The following LRRC7 variants were observed in gnomAD, a reference collection of about 807,000 sequenced individuals.
The protein encoded by LRRC7 is leucine-rich repeat-containing protein 7.
LRRC7 carries 23 observed loss-of-function variants against 175.7 expected under a neutral mutation model. The ratio of observed to expected loss-of-function variants is 0.13; its 90% confidence interval spans 0.09 to 0.19. LRRC7 has a LOEUF of 0.19. Among genes scored for constraint, LRRC7 ranks in the 10% least tolerant of loss-of-function variants. The pLI is 1.00. For missense variants in LRRC7, 1,354 were observed against 1,904.7 expected (o/e 0.71, Z 5.38); for synonymous variants, 685 against 680.9 (o/e 1.01, Z -0.09).
chr1:69,607,547 T>C (rs949917870), intron 1 of LRRC7: 13 of 152,124 alleles, frequency 8.5e-5, no homozygotes, highest in African/African-American at 3.1e-4. Flanking sequence ...AGCTTTAGCT[T>C]GTTCATATTT....
At chr1:69,588,649 G>A (rs1203761434) in intron 1 of LRRC7, among the ~76,000 whole-genome samples, 1 of 152,094 alleles carries the variant, frequency 6.6e-6, no homozygotes, top group African/African-American at 2.4e-5. Flanking sequence ...TCTTTCATCT[G>A]TATGAAGAAA....
At chr1:69,863,266 C>A (rs1357123769) in intron 7 of LRRC7, among the ~76,000 whole-genome samples, 1 of 152,288 alleles carries the variant, frequency 6.6e-6, no homozygotes, top group South Asian at 2.1e-4. Context: ...TTTGATGACC[C>A]TCCAATCTAA....
At chr1:69,797,511 CA>C (rs1217660778) in intron 4 of LRRC7, among the ~76,000 whole-genome samples, 3 of 152,142 alleles carry the variant, frequency 2.0e-5, no homozygotes, top group Non-Finnish European at 4.4e-5. Flanking sequence ...GTTTCCAAAG[CA>C]AAAATTCATT....
At chr1:69,618,274 T>A (rs1650004233) in intron 1 of LRRC7, among the ~76,000 whole-genome samples, 1 of 152,200 alleles carries the variant, frequency 6.6e-6, no homozygotes. Flanking sequence ...ATCTGGCTCA[T>A]GCAAGTATTG....
intron 4 of LRRC7, among the ~76,000 whole-genome samples, chr1:69,807,629 C>G (rs1284783136): frequency 2.0e-5 from 3 of 152,118 alleles, no homozygotes; most frequent in Non-Finnish European, 4.4e-5. Context: ...TTGCCCCCGA[C>G]TCTCTTCTGG....
At chr1:69,626,935 A>G (rs556426468) in intron 1 of LRRC7, among the ~76,000 whole-genome samples, 10 of 152,146 alleles carry the variant, frequency 6.6e-5, no homozygotes, top group Admixed American at 5.9e-4. Context: ...AGTATTCCAT[A>G]GTGTATATGT....
At chr1:70,120,986 G>T (rs992433700) in intron 26 of LRRC7, among the ~76,000 whole-genome samples, 1 of 152,010 alleles carries the variant, frequency 6.6e-6, no homozygotes. Context: ...GAGAAAATCA[G>T]AGACCCATAG....
rs551933429 is a variant in LRRC7 at position 69,570,806 on chromosome 1, G to A, written c.2+2165G>A. 7.2e-4 allele frequency among the ~76,000 whole-genome samples: 109 copies of A among 152,292 alleles called. 1 individual carries two copies. Among genetic ancestry groups the A allele is most frequent in the Non-Finnish European group, 1.4e-3 (94 of 68,034 alleles). On this transcript the variant is annotated intron_variant, in intron 1 of 26. Transcript: ENST00000651989. ...TAGGAATGATTTTATGTTTCCTTAA[G>A]AGTCATATGGCTAAAGTATATTGGG...
intron 10 of LRRC7, among the ~76,000 whole-genome samples, chr1:69,989,870 G>A (rs207460180): frequency 6.6e-6 from 1 of 152,068 alleles, no homozygotes; most frequent in Admixed American, 6.6e-5. Context: ...GAAAAGTATT[G>A]TTTAAAGCTG....
chr1:70,071,448 T>A (rs945356327), intron 23 of LRRC7, among the ~76,000 whole-genome samples: 2 of 152,086 alleles, frequency 1.3e-5, no homozygotes, highest in East Asian at 3.9e-4. Flanking sequence ...GAAGCAGGTG[T>A]CCCACTGGCC....
intron 7 of LRRC7, among the ~76,000 whole-genome samples, chr1:69,851,459 A>C (rs144280491): frequency 4.9e-4 from 75 of 152,222 alleles, no homozygotes; most frequent in African/African-American, 1.8e-3. Flanking sequence ...AGAGAAGGGA[A>C]ATAATTACCA....
intron 2 of LRRC7, among the ~76,000 whole-genome samples, chr1:69,746,650 C>A (rs1349488633): frequency 1.3e-5 from 2 of 151,878 alleles, no homozygotes; most frequent in African/African-American, 4.8e-5. Context: ...TGTCTGCCAT[C>A]TATTAGGAGT....
rs1667044279 is a variant in LRRC7, at chr1:70,141,084, G to A, written c.*19197G>A. Among the ~76,000 whole-genome samples, 1 of 152,032 alleles carries A rather than the reference G, an allele frequency of 6.6e-6. No homozygotes were observed. The highest frequency in any genetic ancestry group is 2.4e-5 in the African/African-American group (1 of 41,410). On this transcript the variant is annotated 3_prime_UTR_variant, in exon 27 of 27. Transcript: ENST00000651989. ...AGTAGTTAAGTGGCACAGGAGGAGA[G>A]GCCAAGGAGTCATCCCAGAGTTCTA...
intron 1 of LRRC7, among the ~76,000 whole-genome samples, chr1:69,677,970 C>G (rs1438271141): frequency 6.6e-6 from 1 of 151,966 alleles, no homozygotes; most frequent in Non-Finnish European, 1.5e-5. Context: ...CTTTTTCTCT[C>G]TCTCTCTTCC....
intron 1 of LRRC7, among the ~76,000 whole-genome samples, chr1:69,655,298 C>G (rs1306348272): frequency 6.6e-6 from 1 of 152,062 alleles, no homozygotes; most frequent in Non-Finnish European, 1.5e-5. Context: ...GTAATTATCT[C>G]TACTACCACG....
chr1:69,595,590 T>C (rs929398015), intron 1 of LRRC7, among the ~76,000 whole-genome samples: 6 of 147,406 alleles, frequency 4.1e-5, no homozygotes, highest in Non-Finnish European at 7.6e-5. Flanking sequence ...CTGCTGCAAG[T>C]ACTAACTTTA....
rs1667035587 is a variant in LRRC7, at chr1:70,140,858, G to GACTT, written c.*18973_*18976dup. On this transcript the variant is annotated 3_prime_UTR_variant, in exon 27 of 27. Coordinates refer to ENST00000651989, the MANE Select transcript of LRRC7 (RefSeq NM_001370785.2). ...CTTTCCCTTCTCCCTAAGTGTCAGT[G>GACTT]ACTTAACTGACATAAATGCATAATT... Among the ~76,000 whole-genome samples, 2 of 152,100 alleles carry GACTT rather than the reference G, an allele frequency of 1.3e-5. No homozygotes were observed. Among genetic ancestry groups the GACTT allele is most frequent in the Admixed American group, 1.3e-4 (2 of 15,240 alleles).
intron 1 of LRRC7, among the ~76,000 whole-genome samples, chr1:69,651,949 T>C (rs1049067313): frequency 1.3e-5 from 2 of 151,924 alleles, no homozygotes; most frequent in Non-Finnish European, 2.9e-5. Flanking sequence ...TCAGCATGAC[T>C]TGGTGTGAAT....
At chr1:70,068,355 A>C (rs72945240) in intron 23 of LRRC7, among the ~76,000 whole-genome samples, 3,859 of 152,248 alleles carry the variant, frequency 0.025, 188 homozygotes, top group African/African-American at 0.09. Flanking sequence ...TTCCATTGAT[A>C]TGATCACGAT....
Sources: allele counts gnomAD v4.1 joint callset (sites outside exome capture counted in the v4.1 genomes callset), GRCh38; gene constraint gnomAD v4.1.1; transcripts MANE v1.5; gene names NCBI Gene and HGNC (gene_info 2026-07-23, HGNC 2026-07-21).